DLG2: variants seen among roughly 807,000 people sequenced by gnomAD.
The protein encoded by DLG2 is discs large MAGUK scaffold protein 2.
Under a neutral mutation model 132.5 loss-of-function variants are expected in DLG2, and 45 were observed. That is an observed-to-expected ratio of 0.34 (90% CI 0.27 to 0.44). The LOEUF (loss-of-function observed/expected upper bound fraction) is 0.44. Ranked by LOEUF, DLG2 falls within the 20% of genes least tolerant of loss-of-function variation. The pLI is 1.00. For synonymous variants in DLG2, 424 were observed against 419.6 expected (o/e 1.01, Z -0.13); for missense variants, 1,045 against 1,196.9 (o/e 0.87, Z 1.87).
chr11:83,888,661 A>G (rs896602398), intron 15 of DLG2, among the ~76,000 whole-genome samples: 4 of 152,182 alleles, frequency 2.6e-5, no homozygotes, highest in African/African-American at 4.8e-5. Flanking sequence ...AAGCCAAAAG[A>G]ACAAAGCTGG....
At chr11:84,708,909 A>G (rs1439351479) in intron 6 of DLG2, among the ~76,000 whole-genome samples, 1 of 151,940 alleles carries the variant, frequency 6.6e-6, no homozygotes, top group Non-Finnish European at 1.5e-5. Context: ...TTAAATAAAG[A>G]AAATAAAGTT....
At chr11:84,943,505 T>G (rs1309045168) in intron 6 of DLG2, among the ~76,000 whole-genome samples, 1 of 152,070 alleles carries the variant, frequency 6.6e-6, no homozygotes, top group Non-Finnish European at 1.5e-5. Context: ...TGTTGTAGGT[T>G]TTTGGATTTG....
At chr11:84,310,238 G>A (rs747707506) in intron 7 of DLG2, among the ~76,000 whole-genome samples, 1 of 152,134 alleles carries the variant, frequency 6.6e-6, no homozygotes, top group Non-Finnish European at 1.5e-5. Flanking sequence ...TTTGCAAGAC[G>A]CGGTGGAGAG....
intron 3 of DLG2, among the ~76,000 whole-genome samples, chr11:85,467,456 T>C (rs2092829652): frequency 6.6e-6 from 1 of 152,212 alleles, no homozygotes; most frequent in Non-Finnish European, 1.5e-5. Context: ...TTGTCATAGA[T>C]ATCTCTTATT....
At chr11:84,409,594 T>A (rs769298153) in intron 7 of DLG2, among the ~76,000 whole-genome samples, 1 of 152,218 alleles carries the variant, frequency 6.6e-6, no homozygotes. Flanking sequence ...ATTTTAAAGA[T>A]AAAGACAATA....
chr11:83,520,695 G>GTTAGATAGA (rs1555151887), intron 21 of DLG2, among the ~76,000 whole-genome samples: 1 of 149,034 alleles, frequency 6.7e-6, no homozygotes, highest in Admixed American at 6.8e-5. Context: ...AAGTAGGTAG[G>GTTAGATAGA]TAGATAGATA....
intron 18 of DLG2, among the ~76,000 whole-genome samples, chr11:83,701,331 T>C (rs1402041210): frequency 6.6e-6 from 1 of 152,134 alleles, no homozygotes; most frequent in Non-Finnish European, 1.5e-5. Context: ...GTTATGAGGA[T>C]CCAAAGAGAT....
At chr11:84,964,450 T>C (rs2053039636) in intron 6 of DLG2, among the ~76,000 whole-genome samples, 1 of 152,106 alleles carries the variant, frequency 6.6e-6, no homozygotes, top group African/African-American at 2.4e-5. Context: ...ATGAAAAAGC[T>C]ATAATGTAGC....
intron 3 of DLG2, among the ~76,000 whole-genome samples, chr11:85,491,848 A>T (rs2093567190): frequency 6.6e-6 from 1 of 152,082 alleles, no homozygotes. Context: ...AGACAATGCA[A>T]TCACTGTCAA....
intron 2 of DLG2, among the ~76,000 whole-genome samples, chr11:85,624,069 A>G (rs1184811240): frequency 6.6e-6 from 1 of 152,210 alleles, no homozygotes; most frequent in Non-Finnish European, 1.5e-5. Context: ...CTGAGGAAAA[A>G]AAACCTTCTA....
At chr11:85,545,825 T>A (rs1256510941) in intron 3 of DLG2, among the ~76,000 whole-genome samples, 1 of 152,134 alleles carries the variant, frequency 6.6e-6, no homozygotes, top group Non-Finnish European at 1.5e-5. Context: ...TCTGTGGGAT[T>A]AGTGGTGATA....
chr11:84,044,402 G>A (rs1010433874), intron 11 of DLG2, among the ~76,000 whole-genome samples: 3 of 151,738 alleles, frequency 2.0e-5, no homozygotes, highest in African/African-American at 7.3e-5. Context: ...TATAACGCAT[G>A]TGACTGGTTT....
intron 21 of DLG2, among the ~76,000 whole-genome samples, chr11:83,528,332 C>T (rs1376534986): frequency 6.6e-6 from 1 of 152,152 alleles, no homozygotes; most frequent in East Asian, 1.9e-4. Flanking sequence ...AGCTTCTAAC[C>T]TGATAGCCAG....
chr11:85,398,082 C>T (rs2152957902), intron 3 of DLG2, among the ~76,000 whole-genome samples: 1 of 152,308 alleles, frequency 6.6e-6, no homozygotes. Flanking sequence ...AACTGTCTCT[C>T]AGACCACAGT....
At chr11:85,532,814 A>G (rs1201629409) in intron 3 of DLG2, among the ~76,000 whole-genome samples, 2 of 152,248 alleles carry the variant, frequency 1.3e-5, no homozygotes, top group Non-Finnish European at 1.5e-5. Flanking sequence ...TCTATCAGTA[A>G]GGATTGCAAG....
chr11:85,503,799 G>T (rs143137582), intron 3 of DLG2, among the ~76,000 whole-genome samples: 2 of 151,980 alleles, frequency 1.3e-5, no homozygotes, highest in Admixed American at 1.3e-4. Flanking sequence ...GGGCATGGTG[G>T]CACACACCTG....
At chr11:84,543,673 T>TA (rs1158119643) in intron 6 of DLG2, among the ~76,000 whole-genome samples, 3 of 151,978 alleles carry the variant, frequency 2.0e-5, no homozygotes, top group Non-Finnish European at 1.5e-5. Flanking sequence ...AATCACCCTT[T>TA]AAAAAAACAA....
chr11:84,928,980 GTGTA>G (rs1375963430), intron 6 of DLG2, among the ~76,000 whole-genome samples: 143 of 40,212 alleles, frequency 3.6e-3, no homozygotes, highest in Admixed American at 4.4e-3. Flanking sequence ...GTGTGTGTGT[GTGTA>G]TATATATATA....
intron 3 of DLG2, among the ~76,000 whole-genome samples, chr11:85,428,498 GA>G (rs1486475553): frequency 6.6e-6 from 1 of 152,178 alleles, no homozygotes; most frequent in Non-Finnish European, 1.5e-5. Flanking sequence ...TAACTACATG[GA>G]AACTGAACAA....
Sources: gnomAD v4.1 joint callset for allele counts (sites outside exome capture counted in the v4.1 genomes callset) on GRCh38, gnomAD v4.1.1 for gene constraint, MANE v1.5 for transcripts, NCBI Gene and HGNC (gene_info 2026-07-23, HGNC 2026-07-21) for gene names.